USP20: variants seen among roughly 807,000 people sequenced by gnomAD.
USP20 encodes the protein ubiquitin specific peptidase 20.
In USP20, 80 loss-of-function variants were observed where a neutral mutation model predicts 124.2. The observed-to-expected ratio is 0.64, with a 90% CI of 0.54 to 0.78. The LOEUF is 0.78. USP20 is among the 30% of genes least tolerant of loss of function. The pLI, the probability that USP20 is intolerant of heterozygous loss-of-function variation, is 0.00. For synonymous variants in USP20, 481 were observed against 512.3 expected (o/e 0.94, Z 0.83); for missense variants, 1,043 against 1,244.4 (o/e 0.84, Z 2.44).
intron 19 of USP20, 87 bp from the exon 20 acceptor site, chr9:129,875,223 C>T: frequency 7.1e-7 from 1 of 1,409,110 alleles, no homozygotes; most frequent in South Asian, 1.4e-5. Flanking sequence ...GGGCCGGTAG[C>T]CCGAGGTGCA....
At chr9:129,872,299 C>G (rs1411951033) in intron 15 of USP20, among the ~76,000 whole-genome samples, 4 of 151,858 alleles carry the variant, frequency 2.6e-5, no homozygotes, top group African/African-American at 9.7e-5. Context: ...ATTATAGGCA[C>G]GTGCCACCAC....
chr9:129,860,858 C>T (rs1170718388), intron 6 of USP20, 79 bp from the exon 7 acceptor site: 3 of 1,468,344 alleles, frequency 2.0e-6, no homozygotes, highest in African/African-American at 1.4e-5. Flanking sequence ...GGCTGGACTT[C>T]CAGCCCTTGG....
chr9:129,873,759 T>C lies in USP20; in HGVS notation c.1740+15T>C. 6.2e-7 allele frequency: 1 copy of C among 1,609,686 alleles called. No homozygotes were observed. The highest frequency in any genetic ancestry group is 1.1e-5 in the South Asian group (1 of 91,056). ...GGTTGCCCGAGGTGAGCCAGTGGCC[T>C]CGGCAGCCTCCTCCTCAGCTATCTC... is the stretch of plus-strand genomic sequence containing the variant. On this transcript the variant is annotated intron_variant, in intron 17 of 25. Coordinates refer to ENST00000372429, the MANE Select transcript of USP20 (RefSeq NM_001110303.4).
At chr9:129,861,296 AGT>A (rs1343684898) in intron 7 of USP20, among the ~76,000 whole-genome samples, 1 of 152,200 alleles carries the variant, frequency 6.6e-6, no homozygotes, top group Non-Finnish European at 1.5e-5. Context: ...TGGTCTGGAC[AGT>A]GGGCCTGGCT....
intron 1 of USP20, among the ~76,000 whole-genome samples, chr9:129,838,362 A>G (rs1489738873): frequency 6.6e-6 from 1 of 152,174 alleles, no homozygotes; most frequent in East Asian, 1.9e-4. Flanking sequence ...ATTTAAAGGC[A>G]GGAAAGTGGC....
At chr9:129,859,465 G>C (rs1003330872) in intron 6 of USP20, among the ~76,000 whole-genome samples, 1 of 150,604 alleles carries the variant, frequency 6.6e-6, no homozygotes, top group African/African-American at 2.4e-5. Context: ...GTAGAGTCAG[G>C]GTTTTGCCAT....
intron 3 of USP20, among the ~76,000 whole-genome samples, chr9:129,853,969 TAAAAC>T (rs1158940817): frequency 1.4e-5 from 2 of 146,448 alleles, no homozygotes; most frequent in Admixed American, 1.4e-4. Context: ...AGTTACAAAA[TAAAAC>T]CAACACCGTT....
intron 5 of USP20, 32 bp downstream of exon 5, chr9:129,858,144 C>G (rs748053533): frequency 1.2e-6 from 2 of 1,608,234 alleles, no homozygotes; most frequent in South Asian, 2.2e-5. Context: ...ATGGGCCCTG[C>G]AGTTAGATGG....
intron 9 of USP20, among the ~76,000 whole-genome samples, chr9:129,864,469 C>CAAAAAAA (rs575582320): frequency 1.7e-5 from 2 of 116,830 alleles, no homozygotes; most frequent in African/African-American, 3.6e-5. Flanking sequence ...GACCCTGTCT[C>CAAAAAAA]AAAAAAAAAA....
chr9:129,867,212 ACCACGTT>A lies in USP20; in HGVS notation c.691-791_691-785del, dbSNP rs2033860144. On this transcript the variant is annotated intron_variant, in intron 10 of 25. Coordinates refer to ENST00000372429, the MANE Select transcript of USP20 (RefSeq NM_001110303.4). ...CTAGCTGCTGGGGTCTGCTGCCACC[ACCACGTT>A]CTGACCTCCCAGTGCACCCCCTGTG... 3.3e-5 allele frequency among the ~76,000 whole-genome samples: 5 copies of A among 152,098 alleles called. No homozygotes were observed. In the South Asian group the frequency reaches 1.0e-3, roughly 32 times the overall value.
intron 10 of USP20, among the ~76,000 whole-genome samples, chr9:129,866,074 T>G (rs2033807624): frequency 6.6e-6 from 1 of 152,218 alleles, no homozygotes; most frequent in Non-Finnish European, 1.5e-5. Context: ...GGCTGATGGC[T>G]CCTGCCCTCC....
intron 10 of USP20, among the ~76,000 whole-genome samples, chr9:129,867,240 C>A (rs573374192): frequency 6.6e-6 from 1 of 152,172 alleles, no homozygotes; most frequent in African/African-American, 2.4e-5. Flanking sequence ...AGTGCACCCC[C>A]TGTGTGAGCA....
Position 129,874,934 on chromosome 9 carries a change from AG to A in USP20, c.2030del (p.Gly677AlafsTer98). On this transcript the variant is annotated frameshift_variant, in exon 19 of 26. Transcript: ENST00000372429. LOFTEE classifies it high-confidence loss of function. ...EVHETVVQNA[E>X]GYVLFYRKSS... ...CACGAGACGGTGGTGCAGAACGCCG[AG>A]GGCTACGTACTCTTCTACAGGTGGG... is the stretch of plus-strand genomic sequence containing the variant. The A allele has an allele frequency of 6.2e-7, 1 of 1,613,934 alleles. No individual in the cohort carries two copies. The highest frequency in any genetic ancestry group is 8.5e-7 in the Non-Finnish European group (1 of 1,180,020).
intron 1 of USP20, among the ~76,000 whole-genome samples, chr9:129,842,978 A>G (rs893129320): frequency 6.6e-6 from 1 of 152,190 alleles, no homozygotes; most frequent in Non-Finnish European, 1.5e-5. Context: ...ATTAATTTTT[A>G]AAATGTTAGT....
chr9:129,863,127 C>T, intron 8 of USP20, 59 bp from the exon 9 acceptor site: 2 of 1,390,964 alleles, frequency 1.4e-6, no homozygotes, highest in Non-Finnish European at 1.9e-6. Context: ...GCAGCCCTTT[C>T]TAAACTGCCG....
chr9:129,875,646 G>C lies in USP20; in HGVS notation c.2300+5G>C. 1 of 1,613,636 alleles carries C rather than the reference G, an allele frequency of 6.2e-7. No homozygotes were observed. The highest frequency in any genetic ancestry group is 8.5e-7 in the Non-Finnish European group (1 of 1,179,804). On this transcript the variant is annotated splice_donor_5th_base_variant and intron_variant, in intron 21 of 25. Transcript: ENST00000372429. ...CTGGGAGCACCTGTACAACAGGTGA[G>C]AGCCTGGGAGGCCAACTTGTCTCCG...
chr9:129,869,076 G>A (rs2033981506), intron 12 of USP20, 74 bp downstream of exon 12: 3 of 1,498,868 alleles, frequency 2.0e-6, no homozygotes, highest in South Asian at 2.6e-5. Context: ...CCTTTCTCAT[G>A]GCCCCCTGTG....
At position 129,868,158 on chromosome 9, in the gene USP20, G is replaced by C; in HGVS notation, c.844G>C (p.Glu282Gln). The C allele has an allele frequency of 6.2e-7, 1 of 1,614,148 alleles. No homozygotes were observed. The highest frequency in any genetic ancestry group is 8.5e-7 in the Non-Finnish European group (1 of 1,180,002). ...REGDRSPSED[E>Q]FLSCDSSSDR... is the part of the protein sequence containing the mutation. Reference sequence around the variant, plus strand: ...GGGTGACCGGAGCCCATCAGAAGATGAGTTCTTGTCCTGTGACTCGAGCAG... The same window carrying C: ...GGGTGACCGGAGCCCATCAGAAGATCAGTTCTTGTCCTGTGACTCGAGCAG... The change falls in exon 11 of 26, where the codon GAG (glutamate) becomes CAG (glutamine). Residue 282 changes from glutamate (E) to glutamine (Q), a missense_variant. Physicochemically the swap from Glu to Gln is conservative, Grantham distance 29 (BLOSUM62 2). Coordinates refer to ENST00000372429, the MANE Select transcript of USP20 (RefSeq NM_001110303.4).
intron 14 of USP20, 57 bp downstream of exon 14, chr9:129,869,901 G>T: frequency 1.3e-6 from 2 of 1,591,374 alleles, no homozygotes; most frequent in Non-Finnish European, 1.7e-6. Flanking sequence ...TGGTTTTCCT[G>T]GGCGGGAGAC....
Sources: allele counts gnomAD v4.1 joint callset (sites outside exome capture counted in the v4.1 genomes callset), GRCh38; gene constraint gnomAD v4.1.1; transcripts MANE v1.5; gene names NCBI Gene and HGNC (gene_info 2026-07-23, HGNC 2026-07-21).